Variants in RALGPS2 observed in about 807,000 individuals in gnomAD.
RALGPS2 encodes the protein Ral GEF with PH domain and SH3 binding motif 2.
A neutral mutation model predicts 86.8 loss-of-function variants in RALGPS2; 43 were observed. The observed-to-expected ratio is 0.50, with a 90% confidence interval of 0.39 to 0.64. The LOEUF is 0.64. Among genes scored for constraint, RALGPS2 ranks in the 30% least tolerant of loss-of-function variants. The probability of loss-of-function intolerance (pLI) is 0.00; values close to 1 mark genes in which losing one functional copy is unlikely to be tolerated. For missense variants in RALGPS2, 536 were observed against 694.6 expected, an observed-to-expected ratio of 0.77 and a Z score of 2.57; for synonymous variants, 243 against 231.3, an observed-to-expected ratio of 1.05 and a Z score of -0.46.
chr1:178,791,323 C>T (rs1470677046), intron 4 of RALGPS2, among the ~76,000 whole-genome samples: 4 of 142,662 alleles, frequency 2.8e-5, no homozygotes, highest in African/African-American at 1.0e-4. Context: ...GAGACAAGGT[C>T]TTACTACGTT....
chr1:178,826,573 T>C (rs1655751353), intron 7 of RALGPS2, among the ~76,000 whole-genome samples: 1 of 152,180 alleles, frequency 6.6e-6, no homozygotes, highest in African/African-American at 2.4e-5. Context: ...ATTTGGGAGT[T>C]ATTATTTAAT....
chr1:178,822,409 G>A (rs1033318473), intron 7 of RALGPS2, among the ~76,000 whole-genome samples: 4 of 151,940 alleles, frequency 2.6e-5, no homozygotes, highest in East Asian at 1.9e-4. Context: ...ATGTTAAAGA[G>A]CAACTATTTT....
intron 4 of RALGPS2, among the ~76,000 whole-genome samples, chr1:178,806,650 T>C (rs1165663349): frequency 6.6e-6 from 1 of 152,194 alleles, no homozygotes; most frequent in Admixed American, 6.5e-5. Context: ...TATTTCTTTT[T>C]ATATATCCTC....
intron 7 of RALGPS2, among the ~76,000 whole-genome samples, chr1:178,832,780 CTT>C (rs961949623): frequency 7.1e-6 from 1 of 140,426 alleles, no homozygotes. Context: ...ACTGACTTTG[CTT>C]TTTTTTTTTT....
intron 1 of RALGPS2, among the ~76,000 whole-genome samples, chr1:178,749,258 G>A (rs1476238190): frequency 6.6e-6 from 1 of 151,786 alleles, no homozygotes; most frequent in Non-Finnish European, 1.5e-5. Flanking sequence ...AGGCCAAGGT[G>A]GATGAATCAC....
At chr1:178,817,944 T>A (rs893577156) in intron 6 of RALGPS2, among the ~76,000 whole-genome samples, 1 of 152,224 alleles carries the variant, frequency 6.6e-6, no homozygotes, top group Admixed American at 6.5e-5. Context: ...AGATTTGACT[T>A]CTTCCTTTCT....
intron 4 of RALGPS2, among the ~76,000 whole-genome samples, chr1:178,800,977 A>C (rs1484870726): frequency 2.0e-5 from 3 of 150,230 alleles, no homozygotes; most frequent in African/African-American, 7.4e-5. Context: ...CCCAGGCTGG[A>C]GCGCAGTGGC....
At chr1:178,900,830 C>T (rs114660420) in intron 17 of RALGPS2, among the ~76,000 whole-genome samples, 2,397 of 151,980 alleles carry the variant, frequency 0.016, 41 homozygotes, top group Non-Finnish European at 0.024. Flanking sequence ...TGATGGGATT[C>T]GCTGGTGGTT....
chr1:178,751,818 G>A (rs1255191491), intron 1 of RALGPS2, among the ~76,000 whole-genome samples: 1 of 152,212 alleles, frequency 6.6e-6, no homozygotes, highest in Non-Finnish European at 1.5e-5. Flanking sequence ...TGAAATTAAA[G>A]TATGTGGGTA....
intron 8 of RALGPS2, among the ~76,000 whole-genome samples, chr1:178,862,122 C>G (rs1658060026): frequency 6.6e-6 from 1 of 152,078 alleles, no homozygotes; most frequent in Admixed American, 6.5e-5. Flanking sequence ...ATCCGTCTGC[C>G]TCGGCCTCCG....
At chr1:178,845,676 C>G (rs1656833591) in intron 8 of RALGPS2, among the ~76,000 whole-genome samples, 1 of 152,128 alleles carries the variant, frequency 6.6e-6, no homozygotes, top group African/African-American at 2.4e-5. Context: ...CTTACCCACC[C>G]CTGATTTTTT....
At chr1:178,895,427 C>G (rs1240508390) in intron 16 of RALGPS2, among the ~76,000 whole-genome samples, 1 of 152,030 alleles carries the variant, frequency 6.6e-6, no homozygotes, top group African/African-American at 2.4e-5. Flanking sequence ...AAAGTGTCTT[C>G]CTCCTGGATT....
intron 1 of RALGPS2, among the ~76,000 whole-genome samples, chr1:178,770,789 C>T (rs547047747): frequency 6.8e-6 from 1 of 147,098 alleles, no homozygotes; most frequent in African/African-American, 2.5e-5. Flanking sequence ...CCTTTTACCT[C>T]TTAGTACTTC....
intron 7 of RALGPS2, among the ~76,000 whole-genome samples, chr1:178,830,603 G>A (rs564402125): frequency 6.6e-6 from 1 of 152,236 alleles, no homozygotes; most frequent in African/African-American, 2.4e-5. Flanking sequence ...GCTTAAATGT[G>A]AAATGAAAAA....
chr1:178,776,684 A>G lies in RALGPS2; in HGVS notation c.-81A>G. On this transcript the variant is annotated splice_region_variant and 5_prime_UTR_variant, in exon 2 of 20. Coordinates refer to ENST00000367635, the MANE Select transcript of RALGPS2 (RefSeq NM_152663.5). ...TTAACTTTTTTTTTTTTTTACAGGA[A>G]TAATGTATTTGTGGCCTTGGACATG... is the stretch of plus-strand genomic sequence containing the variant. 2 of 1,036,278 alleles carry G rather than the reference A, an allele frequency of 1.9e-6. No homozygotes were observed. Among genetic ancestry groups the G allele is most frequent in the South Asian group, 1.7e-5 (1 of 59,738 alleles). 64.2% of individuals were successfully genotyped at this position (1,036,278 alleles called of 1,614,324 possible).
chr1:178,867,251 A>G (rs1382372628), intron 8 of RALGPS2, among the ~76,000 whole-genome samples: 2 of 152,094 alleles, frequency 1.3e-5, no homozygotes, highest in Admixed American at 6.6e-5. Context: ...CCACAACCCT[A>G]TGAAGTAGAT....
At chr1:178,840,628 G>A (rs1216470293) in intron 8 of RALGPS2, among the ~76,000 whole-genome samples, 2 of 152,006 alleles carry the variant, frequency 1.3e-5, no homozygotes, top group East Asian at 1.9e-4. Flanking sequence ...GCTAGCAGAA[G>A]GCAAGAAATA....
At chr1:178,732,107 G>C (rs759206515) in intron 1 of RALGPS2, among the ~76,000 whole-genome samples, 2 of 151,000 alleles carry the variant, frequency 1.3e-5, no homozygotes, top group Admixed American at 6.6e-5. Context: ...GTGTATAGAG[G>C]CCAAGCTCAT....
intron 8 of RALGPS2, chr1:178,865,303 G>C (rs922561346): frequency 6.2e-7 from 1 of 1,614,060 alleles, no homozygotes; most frequent in Non-Finnish European, 8.5e-7. Flanking sequence ...TGACATTGAG[G>C]ATTTTGTTTT....
Sources: gnomAD v4.1 joint callset for allele counts (sites outside exome capture counted in the v4.1 genomes callset) on GRCh38, gnomAD v4.1.1 for gene constraint, MANE v1.5 for transcripts, NCBI Gene and HGNC (gene_info 2026-07-23, HGNC 2026-07-21) for gene names.